The following FBXL20 variants were observed in gnomAD, a reference collection of about 807,000 sequenced individuals.
The protein encoded by FBXL20 is F-box/LRR-repeat protein 20.
A neutral mutation model predicts 64.0 loss-of-function variants in FBXL20; 11 were observed. The observed-to-expected ratio is 0.17, with a 90% CI of 0.11 to 0.28. The LOEUF is 0.28. Ranked by LOEUF, FBXL20 falls within the 10% of genes least tolerant of loss-of-function variation. The pLI, the probability that FBXL20 is intolerant of heterozygous loss-of-function variation, is 1.00. For synonymous variants in FBXL20, 184 were observed against 189.0 expected (o/e 0.97, Z 0.22); for missense variants, 303 against 526.2 (o/e 0.58, Z 4.15).
At chr17:39,363,827 C>CAAAAAAAAAAAAAAAAAAAAAAAAAAA (rs1555612706) in intron 1 of FBXL20, among the ~76,000 whole-genome samples, 3 of 78,028 alleles carry the variant, frequency 3.8e-5, no homozygotes, top group African/African-American at 1.1e-4. Flanking sequence ...AAAAAAAAAA[C>CAAAAAAAAAAAAAAAAAAAAAAAAAAA]AAAAAACAAA....
At position 39,261,265 on chromosome 17, in the gene FBXL20, G is replaced by T; in HGVS notation, c.*195C>A. 1.9e-6 allele frequency: 1 copy of T among 523,168 alleles called. No homozygotes were observed. The highest frequency in any genetic ancestry group is 3.5e-6 in the Non-Finnish European group (1 of 289,740). 32.4% of individuals were successfully genotyped at this position (523,168 alleles called of 1,614,324 possible). A position where few individuals can be genotyped will look rare whatever the true frequency, so the allele number is the denominator to read the frequency against. ...AAGCCATCACAAACTTCAGTCCCAT[G>T]GTCACAAAGCTAGAGTGGATGGGGG... On this transcript the variant is annotated 3_prime_UTR_variant, in exon 15 of 15. Transcript: ENST00000264658.
intron 2 of FBXL20, among the ~76,000 whole-genome samples, chr17:39,306,936 C>A (rs1036954800): frequency 6.6e-6 from 1 of 152,146 alleles, no homozygotes; most frequent in African/African-American, 2.4e-5. Context: ...CAGCAAGACA[C>A]CAGCAAGGGA....
chr17:39,352,806 T>A (rs1026010597), intron 1 of FBXL20, among the ~76,000 whole-genome samples: 6 of 152,276 alleles, frequency 3.9e-5, no homozygotes, highest in Non-Finnish European at 7.4e-5. Flanking sequence ...ACCTATATTA[T>A]TTAAGCTTTA....
At chr17:39,289,495 C>T (rs2047018064) in intron 6 of FBXL20, among the ~76,000 whole-genome samples, 2 of 151,416 alleles carry the variant, frequency 1.3e-5, no homozygotes, top group Admixed American at 6.6e-5. Flanking sequence ...TCTCTCTACC[C>T]AAAATAGAAA....
intron 6 of FBXL20, among the ~76,000 whole-genome samples, chr17:39,295,784 G>GAGATATATATATATATATATATAT (rs758714135): frequency 2.6e-4 from 36 of 137,074 alleles, no homozygotes; most frequent in Non-Finnish European, 4.9e-4. Flanking sequence ...CAAATATGGA[G>GAGATATATATATATATATATATAT]ATATATATAT....
intron 1 of FBXL20, among the ~76,000 whole-genome samples, chr17:39,369,124 CA>C (rs1258297677): frequency 6.6e-6 from 1 of 151,856 alleles, no homozygotes; most frequent in Middle Eastern, 3.2e-3. Flanking sequence ...CATGTTTAAC[CA>C]AAAGTACTAT....
chr17:39,275,229 T>C, intron 9 of FBXL20, 129 bp from the exon 10 acceptor site: 6 of 949,148 alleles, frequency 6.3e-6, no homozygotes, highest in Non-Finnish European at 9.1e-6. Flanking sequence ...ATTCATCAGA[T>C]AGCAGACCTA....
At chr17:39,310,609 A>G (rs1465010744) in intron 2 of FBXL20, among the ~76,000 whole-genome samples, 1 of 151,994 alleles carries the variant, frequency 6.6e-6, no homozygotes, top group Non-Finnish European at 1.5e-5. Context: ...GCACTTTGGG[A>G]GGCTAAGGCA....
chr17:39,298,410 G>T (rs2144438844), intron 5 of FBXL20, among the ~76,000 whole-genome samples: 1 of 152,232 alleles, frequency 6.6e-6, no homozygotes, highest in East Asian at 1.9e-4. Flanking sequence ...CCAGGTTAGG[G>T]TTAACCATAA....
intron 1 of FBXL20, among the ~76,000 whole-genome samples, chr17:39,365,045 C>A (rs2047845807): frequency 6.6e-6 from 1 of 152,114 alleles, no homozygotes; most frequent in African/African-American, 2.4e-5. Flanking sequence ...AAAGAAATTT[C>A]ATAGATTAAG....
intron 14 of FBXL20, among the ~76,000 whole-genome samples, chr17:39,262,596 A>G (rs1477021314): frequency 1.3e-5 from 2 of 152,042 alleles, no homozygotes. Flanking sequence ...GTTGGTATTA[A>G]GGGCCTGAAT....
chr17:39,342,374 T>C (rs2047590835), intron 2 of FBXL20, among the ~76,000 whole-genome samples: 2 of 149,068 alleles, frequency 1.3e-5, no homozygotes, highest in Non-Finnish European at 3.0e-5. Context: ...AAGACTATTC[T>C]GGGCAACACA....
intron 6 of FBXL20, among the ~76,000 whole-genome samples, chr17:39,291,714 T>C (rs1597779656): frequency 6.6e-6 from 1 of 152,108 alleles, no homozygotes; most frequent in Non-Finnish European, 1.5e-5. Flanking sequence ...GGATTACAGG[T>C]GTGAGGCACT....
In FBXL20 at chr17:39,258,560, T is replaced by C. The variant is rs193290620; in HGVS notation, c.*2900A>G. 4 of 152,360 alleles carry C rather than the reference T, an allele frequency of 2.6e-5. No homozygotes were observed. Among genetic ancestry groups the C allele is most frequent in the Admixed American group, 2.6e-4 (4 of 15,304 alleles). 9.4% of individuals were successfully genotyped at this position (152,360 alleles called of 1,614,324 possible). A position where few individuals can be genotyped will look rare whatever the true frequency, so the allele number is the denominator to read the frequency against. On this transcript the variant is annotated 3_prime_UTR_variant, in exon 15 of 15. Transcript: ENST00000264658. ...CAGAGATCACCAGAGCAAGTCCCCATGGACCTGCCTGTGGGTATATCCTTT... is the reference window on the plus strand; with the variant it reads ...CAGAGATCACCAGAGCAAGTCCCCACGGACCTGCCTGTGGGTATATCCTTT...
intron 1 of FBXL20, among the ~76,000 whole-genome samples, chr17:39,368,749 G>C (rs1034532020): frequency 6.6e-6 from 1 of 152,036 alleles, no homozygotes; most frequent in Non-Finnish European, 1.5e-5. Context: ...TCTGCCTCCC[G>C]GGTTCAAGCT....
chr17:39,326,320 T>A (rs1052040476), intron 2 of FBXL20, among the ~76,000 whole-genome samples: 2 of 151,910 alleles, frequency 1.3e-5, no homozygotes, highest in Non-Finnish European at 2.9e-5. Flanking sequence ...TAAAACAAAC[T>A]ATATTCTAAA....
At chr17:39,381,238 G>C (rs1335905228) in intron 1 of FBXL20, among the ~76,000 whole-genome samples, 1 of 151,910 alleles carries the variant, frequency 6.6e-6, no homozygotes. Context: ...CACTTTGGGA[G>C]GCTGAGGCAA....
At chr17:39,328,515 A>G (rs2047430863) in intron 2 of FBXL20, among the ~76,000 whole-genome samples, 1 of 152,144 alleles carries the variant, frequency 6.6e-6, no homozygotes, top group Admixed American at 6.6e-5. Context: ...AATAATGATA[A>G]CCCAAATGAG....
chr17:39,398,429 CATAA>C (rs1302619441), intron 1 of FBXL20, among the ~76,000 whole-genome samples: 2 of 152,070 alleles, frequency 1.3e-5, no homozygotes, highest in Admixed American at 6.6e-5. Context: ...CAAAGTTTAC[CATAA>C]ATAACATAAT....
Sources: allele counts gnomAD v4.1 joint callset (sites outside exome capture counted in the v4.1 genomes callset), GRCh38; gene constraint gnomAD v4.1.1; transcripts MANE v1.5; gene names NCBI Gene and HGNC (gene_info 2026-07-23, HGNC 2026-07-21).